The following STON2 variants were observed in gnomAD, a reference collection of about 807,000 sequenced individuals.
STON2 encodes the protein stonin 2.
In STON2, 29 loss-of-function variants were observed where a neutral mutation model predicts 65.7. The observed-to-expected ratio is 0.44, with a 90% CI of 0.33 to 0.60. STON2 has a LOEUF of 0.60. Ranked by LOEUF, STON2 falls within the 20% of genes least tolerant of loss-of-function variation. The pLI, the probability that STON2 is intolerant of heterozygous loss-of-function variation, is 0.03. For synonymous variants in STON2, 404 were observed against 414.2 expected, an observed-to-expected ratio of 0.98 and a Z score of 0.30; for missense variants, 1,054 against 1,118.1, an observed-to-expected ratio of 0.94 and a Z score of 0.82.
At chr14:81,321,244 A>C (rs1001091389) in intron 5 of STON2, among the ~76,000 whole-genome samples, 1 of 152,098 alleles carries the variant, frequency 6.6e-6, no homozygotes, top group Non-Finnish European at 1.5e-5. Context: ...AAATGTTTAC[A>C]TGTGGGCCAG....
intron 3 of STON2, among the ~76,000 whole-genome samples, chr14:81,389,854 T>A (rs1030450318): frequency 1.3e-5 from 2 of 152,102 alleles, no homozygotes; most frequent in African/African-American, 2.4e-5. Flanking sequence ...AGACAAGTAA[T>A]TCTCCCAGCA....
intron 5 of STON2, among the ~76,000 whole-genome samples, chr14:81,285,627 G>A (rs953016749): frequency 3.9e-5 from 6 of 152,144 alleles, no homozygotes; most frequent in African/African-American, 1.2e-4. Flanking sequence ...TCTTATGGAT[G>A]AGAAAATAAA....
chr14:81,267,647 T>C lies in STON2; in HGVS notation c.*767A>G, dbSNP rs915508575. The stretch of plus-strand genomic sequence containing the variant: ...CATCTTATATTTAATGTCTCTTTTC[T>C]CCAAAATGAAGAAAACTAAGATTAA... On this transcript the variant is annotated 3_prime_UTR_variant, in exon 8 of 8. Coordinates refer to ENST00000614646, the MANE Select transcript of STON2 (RefSeq NM_001394390.1). 7.1e-6 allele frequency: 7 copies of C among 985,256 alleles called. No individual in the cohort carries two copies. The highest frequency in any genetic ancestry group is 6.0e-6 in the Non-Finnish European group (5 of 829,914). The allele number at this position is 985,256 out of a possible 1,614,324, so 61.0% of individuals were successfully genotyped here. A position where few individuals can be genotyped will look rare whatever the true frequency, so the allele number is the denominator to read the frequency against.
chr14:81,424,499 T>TA (rs11357855), intron 2 of STON2, among the ~76,000 whole-genome samples: 53 of 148,588 alleles, frequency 3.6e-4, no homozygotes, highest in African/African-American at 8.1e-4. Flanking sequence ...ACACTCTCAC[T>TA]AAAAAAAAAA....
chr14:81,342,352 C>T (rs532674500), intron 4 of STON2, among the ~76,000 whole-genome samples: 2 of 152,262 alleles, frequency 1.3e-5, no homozygotes, highest in East Asian at 3.9e-4. Context: ...CCAGGCTGGT[C>T]TTGAGCTCCT....
chr14:81,393,742 C>T (rs1900188473), intron 3 of STON2, among the ~76,000 whole-genome samples: 2 of 152,210 alleles, frequency 1.3e-5, no homozygotes, highest in Non-Finnish European at 1.5e-5. Context: ...TGTGCTCATT[C>T]ACTGCCCAGT....
chr14:81,354,121 A>G (rs906471663), intron 4 of STON2, among the ~76,000 whole-genome samples: 3 of 152,166 alleles, frequency 2.0e-5, no homozygotes, highest in African/African-American at 7.2e-5. Flanking sequence ...AAACTCAAAG[A>G]GTGGTATCAC....
intron 6 of STON2, among the ~76,000 whole-genome samples, chr14:81,273,757 T>A (rs544300798): frequency 2.6e-5 from 4 of 152,124 alleles, no homozygotes; most frequent in Non-Finnish European, 5.9e-5. Context: ...GGTGCTGACC[T>A]GCTGACCTGC....
chr14:81,267,423 A>G lies in STON2; in HGVS notation c.*991T>C. 1 of 985,390 alleles carries G rather than the reference A, an allele frequency of 1.0e-6. No homozygotes were observed. The highest frequency in any genetic ancestry group is 1.2e-6 in the Non-Finnish European group (1 of 829,898). 61.0% of individuals were successfully genotyped at this position (985,390 alleles called of 1,614,324 possible). A position where few individuals can be genotyped will look rare whatever the true frequency, so the allele number is the denominator to read the frequency against. ...AAACAGCTTTAAAAATTATCTTTGC[A>G]GCTTAAATTTCCTATAAAGTTGGGT... On this transcript the variant is annotated 3_prime_UTR_variant, in exon 8 of 8. Coordinates refer to ENST00000614646, the MANE Select transcript of STON2 (RefSeq NM_001394390.1).
intron 4 of STON2, among the ~76,000 whole-genome samples, chr14:81,362,463 T>C (rs955054177): frequency 6.6e-6 from 1 of 152,118 alleles, no homozygotes; most frequent in African/African-American, 2.4e-5. Flanking sequence ...AGTAGAATGG[T>C]GGTTACCAGA....
rs933330256 is a variant in STON2 at position 81,276,770 on chromosome 14, G to A, written c.2581+131C>T. 1.0e-5 allele frequency: 11 copies of A among 1,060,896 alleles called. No individual in the cohort carries two copies. The African/African-American group carries it at 1.8e-4, about 17-fold the overall frequency. 65.7% of individuals were successfully genotyped at this position (1,060,896 alleles called of 1,614,324 possible). On this transcript the variant is annotated intron_variant, in intron 6 of 7. Transcript: ENST00000614646. ...CTTGCTCAATTATTTTTACTTTTCT[G>A]GTCCCACTCCCCCTCCATCACCACT...
chr14:81,292,996 C>G (rs1031717852), intron 5 of STON2, among the ~76,000 whole-genome samples: 1 of 152,170 alleles, frequency 6.6e-6, no homozygotes, highest in Non-Finnish European at 1.5e-5. Flanking sequence ...CCGTCTTGCT[C>G]AAGTCTTCAT....
At chr14:81,423,437 T>C (rs1271602815) in intron 2 of STON2, among the ~76,000 whole-genome samples, 1 of 152,202 alleles carries the variant, frequency 6.6e-6, no homozygotes, top group African/African-American at 2.4e-5. Context: ...TTAAAAACTG[T>C]CACCCTAGAA....
intron 2 of STON2, among the ~76,000 whole-genome samples, chr14:81,397,756 C>A (rs186973506): frequency 2.0e-5 from 3 of 152,300 alleles, no homozygotes; most frequent in Non-Finnish European, 2.9e-5. Flanking sequence ...GTACTGAGCT[C>A]TTTCCACGTG....
chr14:81,298,790 T>C (rs766006734), intron 5 of STON2, among the ~76,000 whole-genome samples: 2 of 152,212 alleles, frequency 1.3e-5, no homozygotes, highest in Non-Finnish European at 2.9e-5. Flanking sequence ...CTCAGAGATT[T>C]AAGAAACACC....
At chr14:81,309,061 A>G (rs1896322315) in intron 5 of STON2, among the ~76,000 whole-genome samples, 1 of 141,636 alleles carries the variant, frequency 7.1e-6, no homozygotes, top group Non-Finnish European at 1.5e-5. Flanking sequence ...CTTCTATGAG[A>G]ATGGAAATAG....
intron 5 of STON2, among the ~76,000 whole-genome samples, chr14:81,311,977 T>C (rs1475961545): frequency 6.6e-6 from 1 of 152,238 alleles, no homozygotes; most frequent in Non-Finnish European, 1.5e-5. Context: ...CAACACGGCA[T>C]GTCTCTTCAT....
intron 3 of STON2, among the ~76,000 whole-genome samples, chr14:81,372,093 T>C (rs1899022899): frequency 6.6e-6 from 1 of 152,072 alleles, no homozygotes; most frequent in African/African-American, 2.4e-5. Context: ...AAGGGGAAAA[T>C]GTACAAAACT....
At position 81,268,436 on chromosome 14, in the gene STON2, G is replaced by C. The variant is rs1322095340; in HGVS notation, c.2846C>G (p.Pro949Arg). Residue 949 changes from proline to arginine, a missense_variant, in exon 8 of 8, where the codon CCC becomes CGC. Physicochemically the swap from Pro to Arg is moderately radical, Grantham distance 103. Transcript: ENST00000614646. ...PDFEGDEMENPKECGVQ is the reference protein window; with the variant it reads ...PDFEGDEMENRKECGVQ The stretch of plus-strand genomic sequence containing the variant: ...TTGTCACTGCACTCCACACTCCTTG[G>C]GATTTTCCATTTCATCTCCTTCAAA... The C allele has an allele frequency of 7.8e-7, 1 of 1,289,270 alleles. No homozygotes were observed. Among genetic ancestry groups the C allele is most frequent in the African/African-American group, 1.5e-5 (1 of 65,768 alleles). 79.9% of individuals were successfully genotyped at this position (1,289,270 alleles called of 1,614,324 possible). A position where few individuals can be genotyped will look rare whatever the true frequency, so the allele number is the denominator to read the frequency against.
Sources: gnomAD v4.1 joint callset for allele counts (sites outside exome capture counted in the v4.1 genomes callset) on GRCh38, gnomAD v4.1.1 for gene constraint, MANE v1.5 for transcripts, NCBI Gene and HGNC (gene_info 2026-07-23, HGNC 2026-07-21) for gene names.